Variants in PPP1R14C observed in about 807,000 individuals in gnomAD.
PPP1R14C encodes the protein protein phosphatase 1 regulatory subunit 14C.
PPP1R14C carries 16 observed loss-of-function variants against 20.4 expected under a neutral mutation model. That is an observed-to-expected ratio of 0.78 (90% confidence interval 0.53 to 1.19). The LOEUF is 1.19. Among genes scored for constraint, PPP1R14C ranks in the 50% most tolerant of loss-of-function variants. The pLI is 0.00. For missense variants in PPP1R14C, 211 were observed against 220.1 expected, an observed-to-expected ratio of 0.96 and a Z score of 0.26; for synonymous variants, 91 against 91.0, an observed-to-expected ratio of 1.00 and a Z score of 0.00.
chr6:150,242,181 G>C (rs562287247), intron 3 of PPP1R14C, among the ~76,000 whole-genome samples: 1 of 152,222 alleles, frequency 6.6e-6, no homozygotes, highest in East Asian at 1.9e-4. Flanking sequence ...CTTCAGTGGG[G>C]AATTTTACCA....
chr6:150,239,391 A>G (rs1450098423), intron 3 of PPP1R14C, among the ~76,000 whole-genome samples: 1 of 152,268 alleles, frequency 6.6e-6, no homozygotes. Flanking sequence ...CTTTGATTAC[A>G]GTGGAATTAC....
intron 1 of PPP1R14C, among the ~76,000 whole-genome samples, chr6:150,148,388 T>C (rs1398563521): frequency 1.3e-5 from 2 of 152,194 alleles, no homozygotes. Context: ...CTGTCCTGCC[T>C]CCTGAGACAG....
At chr6:150,146,584 C>T (rs1022513344) in intron 1 of PPP1R14C, among the ~76,000 whole-genome samples, 1 of 152,154 alleles carries the variant, frequency 6.6e-6, no homozygotes, top group Non-Finnish European at 1.5e-5. Flanking sequence ...TTGGTACAGT[C>T]CCACCTGGTA....
At chr6:150,246,080 G>A (rs975469317) in intron 3 of PPP1R14C, among the ~76,000 whole-genome samples, 1 of 152,080 alleles carries the variant, frequency 6.6e-6, no homozygotes, top group African/African-American at 2.4e-5. Context: ...TGTACATCAT[G>A]GTTAGCTTTG....
chr6:150,217,730 G>A (rs1778113031), intron 3 of PPP1R14C, among the ~76,000 whole-genome samples: 1 of 152,166 alleles, frequency 6.6e-6, no homozygotes, highest in Non-Finnish European at 1.5e-5. Flanking sequence ...AGCAAGAGAA[G>A]TACTTTCTTC....
intron 1 of PPP1R14C, among the ~76,000 whole-genome samples, chr6:150,162,810 T>G (rs1777384712): frequency 6.6e-6 from 1 of 152,204 alleles, no homozygotes; most frequent in Non-Finnish European, 1.5e-5. Flanking sequence ...CAGAATGGCT[T>G]CAGCTCACGA....
chr6:150,204,300 G>T (rs1756127728), intron 1 of PPP1R14C, among the ~76,000 whole-genome samples: 1 of 152,244 alleles, frequency 6.6e-6, no homozygotes, highest in African/African-American at 2.4e-5. Context: ...ACAACCAGCT[G>T]TGCGTGTTTA....
chr6:150,186,133 C>G (rs1381334397), intron 1 of PPP1R14C, among the ~76,000 whole-genome samples: 2 of 152,140 alleles, frequency 1.3e-5, no homozygotes, highest in Non-Finnish European at 2.9e-5. Flanking sequence ...GTTCTCAGGG[C>G]TTCTAAAAAG....
chr6:150,246,524 T>C (rs936405052), intron 3 of PPP1R14C, among the ~76,000 whole-genome samples: 1 of 152,204 alleles, frequency 6.6e-6, no homozygotes, highest in African/African-American at 2.4e-5. Context: ...GAAAATTATT[T>C]AAATCAGAAT....
chr6:150,221,303 A>G (rs573482677), intron 3 of PPP1R14C, among the ~76,000 whole-genome samples: 3 of 152,364 alleles, frequency 2.0e-5, no homozygotes, highest in African/African-American at 7.2e-5. Context: ...GCAGTGAGCA[A>G]GAGAGTCAGG....
chr6:150,240,528 C>G (rs1778419478), intron 3 of PPP1R14C, among the ~76,000 whole-genome samples: 1 of 152,156 alleles, frequency 6.6e-6, no homozygotes, highest in African/African-American at 2.4e-5. Context: ...TGGCCTGCAA[C>G]CAGTCTGATT....
intron 1 of PPP1R14C, among the ~76,000 whole-genome samples, chr6:150,176,270 C>A (rs1025842358): frequency 6.6e-6 from 1 of 152,206 alleles, no homozygotes. Context: ...ATCTTCTCAA[C>A]GGGAGTGCCC....
At chr6:150,156,325 A>G (rs77957183) in intron 1 of PPP1R14C, among the ~76,000 whole-genome samples, 1,852 of 151,232 alleles carry the variant, frequency 0.012, 48 homozygotes, top group African/African-American at 0.042. Context: ...GACATGGTAG[A>G]AGTAATGCTT....
At chr6:150,183,093 C>T (rs897068832) in intron 1 of PPP1R14C, among the ~76,000 whole-genome samples, 2 of 152,120 alleles carry the variant, frequency 1.3e-5, no homozygotes, top group Non-Finnish European at 2.9e-5. Context: ...CATAAATATC[C>T]ACTTGGCACA....
At chr6:150,147,910 A>G (rs1777197865) in intron 1 of PPP1R14C, among the ~76,000 whole-genome samples, 1 of 152,178 alleles carries the variant, frequency 6.6e-6, no homozygotes, top group Non-Finnish European at 1.5e-5. Context: ...TTGCTGCCTG[A>G]TACATCTGGA....
At chr6:150,216,701 T>C in intron 2 of PPP1R14C, 123 bp from the exon 3 acceptor site, 1 of 699,910 alleles carries the variant, frequency 1.4e-6, no homozygotes, top group Non-Finnish European at 2.4e-6. Context: ...TTCTAGATAG[T>C]ATGAAATCTT....
At chr6:150,205,916 C>T (rs978326032) in intron 1 of PPP1R14C, among the ~76,000 whole-genome samples, 1 of 152,154 alleles carries the variant, frequency 6.6e-6, no homozygotes, top group Non-Finnish European at 1.5e-5. Flanking sequence ...GGTCTTTTCG[C>T]GTATGCCCTC....
chr6:150,241,325 C>T (rs73011644), intron 3 of PPP1R14C, among the ~76,000 whole-genome samples: 16,552 of 152,236 alleles, frequency 0.11, 915 homozygotes, highest in East Asian at 0.22. Flanking sequence ...ACCTGTGTGT[C>T]TCTTCATCTG....
At chr6:150,225,314 A>G (rs1778218615) in intron 3 of PPP1R14C, among the ~76,000 whole-genome samples, 1 of 152,174 alleles carries the variant, frequency 6.6e-6, no homozygotes, top group Non-Finnish European at 1.5e-5. Context: ...GTACAAAGGT[A>G]TGCTCCTACC....
Sources: gnomAD v4.1 joint callset for allele counts (sites outside exome capture counted in the v4.1 genomes callset) on GRCh38, gnomAD v4.1.1 for gene constraint, MANE v1.5 for transcripts, NCBI Gene and HGNC (gene_info 2026-07-23, HGNC 2026-07-21) for gene names.